Variants in CTR9 observed in about 807,000 individuals in gnomAD.
CTR9 encodes the protein RNA polymerase-associated protein CTR9 homolog.
A neutral mutation model predicts 152.1 loss-of-function variants in CTR9; 41 were observed. The ratio of observed to expected loss-of-function variants is 0.27; its 90% CI spans 0.21 to 0.35. The LOEUF is 0.35. Ranked by LOEUF, CTR9 falls within the 10% of genes least tolerant of loss-of-function variation. CTR9 has a pLI of 1.00. For synonymous variants in CTR9, 476 were observed against 496.2 expected, an observed-to-expected ratio of 0.96 and a Z score of 0.54; for missense variants, 917 against 1,424.4, an observed-to-expected ratio of 0.64 and a Z score of 5.73.
chr11:10,772,699 G>T (rs372461417), intron 20 of CTR9, 44 bp downstream of exon 20: 13 of 1,537,192 alleles, frequency 8.5e-6, no homozygotes, highest in South Asian at 1.3e-5. Context: ...TGAATTGTGT[G>T]CATGCATACA....
At chr11:10,773,299 A>G (rs754188146) in intron 21 of CTR9, 26 bp downstream of exon 21, 5 of 1,603,476 alleles carry the variant, frequency 3.1e-6, no homozygotes, top group Middle Eastern at 1.6e-4. Context: ...TGCTAGCACA[A>G]GTGACCTCAT....
In CTR9 at chr11:10,768,097, T is replaced by C. The variant is rs778357114; in HGVS notation, c.1896T>C (p.Ala632=). ...AGGAAAAGCGTCATCAAGATCGTGCTCTGGCCATCTACAAACAAGTACTCA... is the reference window on the plus strand; with the variant it reads ...AGGAAAAGCGTCATCAAGATCGTGCCCTGGCCATCTACAAACAAGTACTCA... ...REKEKRHQDR[A]LAIYKQVLRN... is the part of the protein sequence containing the mutation. The change falls in exon 15 of 25, where the codon GCT becomes GCC. Residue 632 remains alanine, a synonymous_variant. Transcript: ENST00000361367. The C allele has an allele frequency of 1.2e-6, 2 of 1,614,104 alleles. No homozygotes were observed. Among genetic ancestry groups the C allele is most frequent in the Non-Finnish European group, 1.7e-6 (2 of 1,180,012 alleles).
intron 2 of CTR9, among the ~76,000 whole-genome samples, chr11:10,753,644 A>AT (rs1491304742): frequency 1.3e-5 from 2 of 149,536 alleles, no homozygotes; most frequent in South Asian, 2.1e-4. Context: ...TGTCACACAC[A>AT]TTTTTTTTAA....
At chr11:10,763,962 G>C (rs559171057) in intron 9 of CTR9, 83 bp downstream of exon 9, 3 of 1,331,100 alleles carry the variant, frequency 2.3e-6, no homozygotes, top group South Asian at 2.7e-5. Flanking sequence ...ATTGCTAGTA[G>C]AAATATGATA....
intron 6 of CTR9, among the ~76,000 whole-genome samples, 186 bp from the exon 7 acceptor site, chr11:10,761,757 AAATT>A (rs1420833623): frequency 1.3e-5 from 2 of 152,194 alleles, no homozygotes; most frequent in African/African-American, 2.4e-5. Flanking sequence ...ACACACAAAA[AAATT>A]AAGGATTAAA....
At chr11:10,765,898 T>G (rs866354904) in intron 12 of CTR9, among the ~76,000 whole-genome samples, 2 of 152,380 alleles carry the variant, frequency 1.3e-5, no homozygotes, top group South Asian at 4.1e-4. Flanking sequence ...ATTGGTTTCC[T>G]GAGAGAAGTG....
chr11:10,762,520 A>G (rs1399042184), intron 7 of CTR9, among the ~76,000 whole-genome samples: 1 of 152,226 alleles, frequency 6.6e-6, no homozygotes, highest in Non-Finnish European at 1.5e-5. Flanking sequence ...AATCTATGAA[A>G]TAGTGTATAA....
intron 3 of CTR9, 109 bp from the exon 4 acceptor site, chr11:10,755,569 A>G: frequency 3.1e-6 from 2 of 646,792 alleles, no homozygotes; most frequent in Admixed American, 5.4e-5. Context: ...GTTACATTTG[A>G]TAGGGGAATT....
intron 22 of CTR9, 114 bp from the exon 23 acceptor site, chr11:10,775,093 G>A: frequency 1.3e-6 from 1 of 782,954 alleles, no homozygotes; most frequent in South Asian, 1.7e-5. Context: ...GTATGATTGA[G>A]GACAGCACCC....
chr11:10,765,369 A>T (rs1675293836), intron 12 of CTR9, among the ~76,000 whole-genome samples: 1 of 152,220 alleles, frequency 6.6e-6, no homozygotes, highest in Admixed American at 6.5e-5. Flanking sequence ...ATTTGTGTGT[A>T]TGAGGGTTTT....
Position 10,774,181 on chromosome 11 carries a change from A to G in CTR9, c.2885+12A>G, listed in dbSNP as rs1863193087. On this transcript the variant is annotated intron_variant, in intron 22 of 24. Transcript: ENST00000361367. The stretch of plus-strand genomic sequence containing the variant: ...AAAAAGAGGAGAAGGTAATGTCATC[A>G]TTAATGTGCTTTAAGTAACCTCATA... 2 of 1,602,422 alleles carry G rather than the reference A, an allele frequency of 1.2e-6. No individual in the cohort carries two copies. The highest frequency in any genetic ancestry group is 1.7e-6 in the Non-Finnish European group (2 of 1,176,084).
intron 16 of CTR9, among the ~76,000 whole-genome samples, chr11:10,769,166 A>C (rs1402098867): frequency 2.0e-5 from 3 of 152,106 alleles, no homozygotes; most frequent in African/African-American, 7.2e-5. Flanking sequence ...AGGTTGCAGT[A>C]AGCCAAGATC....
intron 4 of CTR9, among the ~76,000 whole-genome samples, chr11:10,756,270 G>A (rs1038464764): frequency 6.6e-6 from 1 of 152,086 alleles, no homozygotes. Context: ...AACTTTTATT[G>A]AAGTTCAGTG....
At chr11:10,775,105 T>C in intron 22 of CTR9, 102 bp from the exon 23 acceptor site, 1 of 882,990 alleles carries the variant, frequency 1.1e-6, no homozygotes, top group Admixed American at 2.3e-5. Flanking sequence ...ACAGCACCCA[T>C]ATAGAAGAGG....
At chr11:10,770,424 T>C in intron 17 of CTR9, 63 bp from the exon 18 acceptor site, 1 of 1,587,582 alleles carries the variant, frequency 6.3e-7, no homozygotes, top group Non-Finnish European at 8.6e-7. Context: ...TTAATAATAC[T>C]CTGCTGTCTA....
chr11:10,763,157 A>G (rs1863004103), intron 7 of CTR9, among the ~76,000 whole-genome samples: 1 of 147,732 alleles, frequency 6.8e-6, no homozygotes, highest in African/African-American at 2.5e-5. Flanking sequence ...AAAGGGGAGT[A>G]TGTTTCTACA....
rs535315742 is a variant in CTR9 at position 10,772,801 on chromosome 11, C to A, written c.2580+146C>A. ...TTGGGAGGATGAGGTGGGTGGAGGG[C>A]GGATCACTTGAGGTCAGGAGTTCGA... On this transcript the variant is annotated intron_variant, in intron 20 of 24. Coordinates refer to ENST00000361367, the MANE Select transcript of CTR9 (RefSeq NM_014633.5). 5.9e-6 allele frequency: 5 copies of A among 847,142 alleles called. No homozygotes were observed. The African/African-American group carries it at 7.1e-5, about 12-fold the overall frequency. 52.5% of individuals were successfully genotyped at this position (847,142 alleles called of 1,614,324 possible).
At chr11:10,752,821 T>C in intron 2 of CTR9, 51 bp downstream of exon 2, 1 of 1,432,060 alleles carries the variant, frequency 7.0e-7, no homozygotes, top group Non-Finnish European at 9.8e-7. Flanking sequence ...GGAAAATATG[T>C]AGTTTCTGTT....
rs1564969525 is a variant in CTR9, at chr11:10,767,669, A to AG, written c.1687-136dup. On this transcript the variant is annotated intron_variant, in intron 13 of 24. Coordinates refer to ENST00000361367, the MANE Select transcript of CTR9 (RefSeq NM_014633.5). The surrounding 1 kb of genome is among the most constrained non-coding windows in gnomAD (Gnocchi z 4.0). ...TTTGGATTGCCATGCAAAAAAAAAA[A>AG]GAAAGAAAGAAAAGAAAGAAAACCA... The AG allele has an allele frequency of 1.7e-5, 13 of 750,894 alleles. No individual in the cohort carries two copies. Among genetic ancestry groups the AG allele is most frequent in the South Asian group, 4.0e-5 (2 of 49,812 alleles). The allele number at this position is 750,894 out of a possible 1,614,324, so 46.5% of individuals were successfully genotyped here.
Sources: allele counts gnomAD v4.1 joint callset (sites outside exome capture counted in the v4.1 genomes callset), GRCh38; gene constraint gnomAD v4.1.1; non-coding constraint Gnocchi (gnomAD v3.1); transcripts MANE v1.5; gene names NCBI Gene and HGNC (gene_info 2026-07-23, HGNC 2026-07-21).